Variants in CLTC observed in about 807,000 individuals in gnomAD.
The protein encoded by CLTC is clathrin heavy chain 1.
A neutral mutation model predicts 195.8 loss-of-function variants in CLTC; 16 were observed. The observed-to-expected ratio is 0.08, with a 90% CI of 0.06 to 0.12. The LOEUF (loss-of-function observed/expected upper bound fraction) is 0.12, where lower values mean the gene tolerates loss of function less well. Among genes scored for constraint, CLTC ranks in the 10% least tolerant of loss-of-function variants. The probability of loss-of-function intolerance (pLI) is 1.00; values close to 1 mark genes in which losing one functional copy is unlikely to be tolerated. For missense variants in CLTC, 796 were observed against 2,027.0 expected, an observed-to-expected ratio of 0.39 and a Z score of 11.66; for synonymous variants, 667 against 689.4, an observed-to-expected ratio of 0.97 and a Z score of 0.51.
chr17:59,669,244 A>T (rs536904504), intron 14 of CLTC, among the ~76,000 whole-genome samples: 1 of 152,142 alleles, frequency 6.6e-6, no homozygotes, highest in African/African-American at 2.4e-5. Flanking sequence ...TATACTTTCA[A>T]TGTCATTTTA....
intron 17 of CLTC, among the ~76,000 whole-genome samples, chr17:59,678,831 G>A (rs763131259): frequency 3.0e-5 from 4 of 133,096 alleles, no homozygotes; most frequent in East Asian, 4.5e-4. Context: ...CGAGCCCCCC[G>A]TCTCTACAAA....
At chr17:59,654,419 C>T (rs1452277962) in intron 5 of CLTC, among the ~76,000 whole-genome samples, 1 of 151,968 alleles carries the variant, frequency 6.6e-6, no homozygotes, top group Admixed American at 6.6e-5. Context: ...CTCAAGTGAT[C>T]CACCTGCCTC....
intron 1 of CLTC, among the ~76,000 whole-genome samples, chr17:59,623,839 A>G (rs1325506220): frequency 1.3e-5 from 2 of 152,226 alleles, no homozygotes; most frequent in Non-Finnish European, 2.9e-5. Context: ...GATGTGACTG[A>G]AAAACTAAAT....
At chr17:59,675,580 T>G (rs1159318651) in intron 16 of CLTC, among the ~76,000 whole-genome samples, 2 of 152,144 alleles carry the variant, frequency 1.3e-5, no homozygotes, top group Non-Finnish European at 2.9e-5. Context: ...GTTTCAAACA[T>G]GGAAAAATTT....
At position 59,644,350 on chromosome 17, in the gene CLTC, C is replaced by T; in HGVS notation, c.117C>T (p.Cys39=). ...TLTMESDKFI[C]IREKVGEQAQ... is the part of the protein sequence containing the mutation. ...CTATGGAGTCTGACAAATTCATCTG[C>T]ATTAGAGAAAAAGTAGGAGAGCAGG... The change falls in exon 2 of 32, where the codon TGC becomes TGT. Residue 39 remains cysteine, a synonymous_variant. Coordinates refer to ENST00000269122, the MANE Select transcript of CLTC (RefSeq NM_004859.4). The T allele has an allele frequency of 6.2e-7, 1 of 1,613,986 alleles. No individual in the cohort carries two copies. Among genetic ancestry groups the T allele is most frequent in the Non-Finnish European group, 8.5e-7 (1 of 1,179,976 alleles).
At position 59,661,755 on chromosome 17, in the gene CLTC, A is replaced by T. The variant is rs534215161; in HGVS notation, c.1368+112A>T. ...TGTCTCCATTACTGCTGGTAGAAAC[A>T]GAACAAAAACACACATTGCATAAGA... On this transcript the variant is annotated intron_variant, in intron 8 of 31. Transcript: ENST00000269122. 3.0e-4 allele frequency: 271 copies of T among 890,632 alleles called. 1 individual carries two copies. The highest frequency in any genetic ancestry group is 3.6e-4 in the Non-Finnish European group (203 of 565,522). The allele number at this position is 890,632 out of a possible 1,614,324, so 55.2% of individuals were successfully genotyped here. A position where few individuals can be genotyped will look rare whatever the true frequency, so the allele number is the denominator to read the frequency against.
chr17:59,633,856 T>TA (rs2031791307), intron 1 of CLTC, among the ~76,000 whole-genome samples: 1 of 152,236 alleles, frequency 6.6e-6, no homozygotes, highest in African/African-American at 2.4e-5. Flanking sequence ...AAGCCTTTAA[T>TA]GTCTCCCTGG....
At chr17:59,632,836 C>A (rs947455937) in intron 1 of CLTC, among the ~76,000 whole-genome samples, 2 of 152,154 alleles carry the variant, frequency 1.3e-5, no homozygotes, top group Non-Finnish European at 2.9e-5. Flanking sequence ...CCCAAAGAGC[C>A]TCTGAGAGCC....
At chr17:59,693,649 T>C (rs1021111042) in intron 31 of CLTC, 79 bp from the exon 32 acceptor site, 5 of 1,468,984 alleles carry the variant, frequency 3.4e-6, no homozygotes, top group Non-Finnish European at 4.5e-6. Flanking sequence ...TGGAGGAGAT[T>C]GGAGTGTTCT....
At chr17:59,635,386 C>T (rs922075384) in intron 1 of CLTC, among the ~76,000 whole-genome samples, 2 of 152,168 alleles carry the variant, frequency 1.3e-5, no homozygotes, top group Non-Finnish European at 2.9e-5. Context: ...AGGAAGCAAA[C>T]TCCTTAGGTA....
At position 59,679,469 on chromosome 17, in the gene CLTC, G is replaced by A. The variant is rs1382120363; in HGVS notation, c.2869G>A (p.Gly957Ser). 4 of 1,609,494 alleles carry A rather than the reference G, an allele frequency of 2.5e-6. No homozygotes were observed. Among genetic ancestry groups the A allele is most frequent in the Admixed American group, 1.7e-5 (1 of 59,474 alleles). ...LVRRKDPELWGSVLLESNPYR... is the reference protein window; with the variant it reads ...LVRRKDPELWSSVLLESNPYR... The stretch of plus-strand genomic sequence containing the variant: ...ACGTCGAAAGGATCCAGAATTGTGG[G>A]GCAGCGTGCTGCTGGAAAGCAATCC... Residue 957 changes from glycine (G) to serine (S), a missense_variant, in exon 18 of 32, where the codon GGC (glycine) becomes AGC (serine). By Grantham distance (56) the Gly-to-Ser change is moderately conservative. Coordinates refer to ENST00000269122, the MANE Select transcript of CLTC (RefSeq NM_004859.4).
At position 59,692,927 on chromosome 17, in the gene CLTC, C is replaced by A. The variant is rs147414513; in HGVS notation, c.4904-801C>A. ...TGCTGGGATTACAGGCGTGAGCCAC[C>A]GCGCCCGGCCCAAATGTGTCTTATT... On this transcript the variant is annotated intron_variant, in intron 31 of 31. Coordinates refer to ENST00000269122, the MANE Select transcript of CLTC (RefSeq NM_004859.4). 4.0e-3 allele frequency among the ~76,000 whole-genome samples: 602 copies of A among 152,246 alleles called. 13 individuals carry two copies. The highest frequency in any genetic ancestry group is 0.034 in the East Asian group (174 of 5,178).
chr17:59,651,156 A>C (rs1368838063), intron 4 of CLTC, 47 bp from the exon 5 acceptor site: 1 of 1,157,616 alleles, frequency 8.6e-7, no homozygotes, highest in Admixed American at 1.9e-5. Flanking sequence ...GCTGTGATCA[A>C]CTGCTAATGT....
chr17:59,636,023 A>G (rs539093421), intron 1 of CLTC, among the ~76,000 whole-genome samples: 2 of 151,798 alleles, frequency 1.3e-5, no homozygotes, highest in Admixed American at 6.6e-5. Context: ...AGCCTGAGCT[A>G]CTCCGGAGGC....
chr17:59,644,231 C>G (rs1191836604), intron 1 of CLTC, 45 bp from the exon 2 acceptor site: 3 of 1,526,296 alleles, frequency 2.0e-6, no homozygotes, highest in East Asian at 2.3e-5. Flanking sequence ...AATGTCAAGT[C>G]TTTGGAATCC....
At chr17:59,637,548 G>T in intron 1 of CLTC, among the ~76,000 whole-genome samples, 1 of 139,816 alleles carries the variant, frequency 7.2e-6, no homozygotes, top group African/African-American at 2.6e-5. Context: ...CCAGCCTGAA[G>T]TTTCTTAAAA....
intron 16 of CLTC, among the ~76,000 whole-genome samples, chr17:59,675,750 C>T (rs930115593): frequency 1.3e-5 from 2 of 152,126 alleles, no homozygotes; most frequent in African/African-American, 4.8e-5. Context: ...ACTGCATATT[C>T]CAAGCAAATG....
chr17:59,682,757 G>T lies in CLTC; in HGVS notation c.3729G>T (p.Gly1243=). The T allele has an allele frequency of 6.2e-7, 1 of 1,614,048 alleles. No individual in the cohort carries two copies. Among genetic ancestry groups the T allele is most frequent in the Non-Finnish European group, 8.5e-7 (1 of 1,179,982 alleles). The change falls in exon 23 of 32, where the codon GGG becomes GGT. Residue 1243 remains glycine, a synonymous_variant. Coordinates refer to ENST00000269122, the MANE Select transcript of CLTC (RefSeq NM_004859.4). This position sits in a 1 kb window ranked among gnomAD's most constrained non-coding sequence, Gnocchi z 6.8. ...HLGEYQAAVD[G]ARKANSTRTW... The stretch of plus-strand genomic sequence containing the variant: ...GTGAATATCAGGCAGCTGTTGATGG[G>T]GCTAGGAAAGCTAACAGTACTCGAA...
intron 6 of CLTC, among the ~76,000 whole-genome samples, chr17:59,659,749 A>G (rs980995488): frequency 6.6e-6 from 1 of 151,642 alleles, no homozygotes; most frequent in Non-Finnish European, 1.5e-5. Context: ...CACCCGGCCT[A>G]TTTTTTCAAG....
Sources: allele counts gnomAD v4.1 joint callset (sites outside exome capture counted in the v4.1 genomes callset), GRCh38; gene constraint gnomAD v4.1.1; non-coding constraint Gnocchi (gnomAD v3.1); transcripts MANE v1.5; gene names NCBI Gene and HGNC (gene_info 2026-07-23, HGNC 2026-07-21).